The following LVRN variants were observed in gnomAD, a reference collection of about 807,000 sequenced individuals.
LVRN encodes the protein laeverin, also known as aminopeptidase Q.
A neutral mutation model predicts 111.4 loss-of-function variants in LVRN; 99 were observed. That is an observed-to-expected ratio of 0.89 (90% CI 0.76 to 1.05). The LOEUF (loss-of-function observed/expected upper bound fraction) is 1.05, where lower values mean the gene tolerates loss of function less well. Among genes scored for constraint, LVRN ranks in the 50% least tolerant of loss-of-function variants. The pLI, the probability that LVRN is intolerant of heterozygous loss-of-function variation, is 0.00. For synonymous variants in LVRN, 488 were observed against 449.5 expected (o/e 1.09, Z -1.08); for missense variants, 1,414 against 1,206.8 (o/e 1.17, Z -2.54).
In LVRN at chr5:115,970,654, G is replaced by C. The variant is rs559666638; in HGVS notation, c.695+7342G>C. ...CTCACCTTGGCCTCCCAAAGTGCTGGGATTACAGGTGTGAGCCACCGCACC... is the reference window on the plus strand; with the variant it reads ...CTCACCTTGGCCTCCCAAAGTGCTGCGATTACAGGTGTGAGCCACCGCACC... On this transcript the variant is annotated intron_variant, in intron 1 of 19. Coordinates refer to ENST00000357872, the MANE Select transcript of LVRN (RefSeq NM_173800.5). Among the ~76,000 whole-genome samples the C allele has an allele frequency of 1.4e-4, 22 of 152,082 alleles. 1 individual carries two copies. In the East Asian group the frequency reaches 4.3e-3, roughly 29 times the overall value.
intron 4 of LVRN, 119 bp downstream of exon 4, chr5:115,988,058 T>C: frequency 7.3e-7 from 1 of 1,366,142 alleles, no homozygotes; most frequent in Non-Finnish European, 1.0e-6. Flanking sequence ...GCTGCTGGTT[T>C]GGAGTTAGCC....
At chr5:115,974,972 A>G in intron 1 of LVRN, 1 of 412,990 alleles carries the variant, frequency 2.4e-6, no homozygotes, top group Admixed American at 2.9e-5. Flanking sequence ...TTGGGAAATG[A>G]AGATAATCAC....
intron 6 of LVRN, chr5:115,995,566 A>G (rs1243472580): frequency 6.6e-6 from 1 of 152,234 alleles, no homozygotes; most frequent in East Asian, 1.9e-4. Context: ...GCCAAAGGTA[A>G]TTTGCCCAAC....
In LVRN at chr5:116,015,627, G is replaced by C; in HGVS notation, c.2619-1G>C. 2 of 1,601,606 alleles carry C rather than the reference G, an allele frequency of 1.2e-6. No homozygotes were observed. The highest frequency in any genetic ancestry group is 3.3e-4 in the Middle Eastern group (2 of 5,992). On this transcript the variant is annotated splice_acceptor_variant, in intron 17 of 19. Coordinates refer to ENST00000357872, the MANE Select transcript of LVRN (RefSeq NM_173800.5). LOFTEE classifies it high-confidence loss of function. Reference sequence around the variant, plus strand: ...TATTTTTTGAAAATGCACTTTTGCAGATATATGGAGTATGCCATCAGCACA... The same window carrying C: ...TATTTTTTGAAAATGCACTTTTGCACATATATGGAGTATGCCATCAGCACA...
chr5:116,024,334 G>C (rs903065999), intron 19 of LVRN, among the ~76,000 whole-genome samples: 11 of 151,884 alleles, frequency 7.2e-5, no homozygotes, highest in African/African-American at 2.7e-4. Context: ...CTCTCCCTAG[G>C]CAAATAAACA....
At chr5:115,997,617 C>T (rs1294364534) in intron 6 of LVRN, among the ~76,000 whole-genome samples, 1 of 151,832 alleles carries the variant, frequency 6.6e-6, no homozygotes, top group East Asian at 1.9e-4. Flanking sequence ...CGAGCTATGA[C>T]CACACCAGTG....
At chr5:115,972,886 A>G (rs1292657872) in intron 1 of LVRN, among the ~76,000 whole-genome samples, 1 of 152,006 alleles carries the variant, frequency 6.6e-6, no homozygotes, top group Non-Finnish European at 1.5e-5. Flanking sequence ...TTAATTTGTT[A>G]ATATGGTAAA....
intron 1 of LVRN, among the ~76,000 whole-genome samples, chr5:115,968,362 TC>T (rs1333482698): frequency 6.6e-6 from 1 of 152,198 alleles, no homozygotes; most frequent in Non-Finnish European, 1.5e-5. Flanking sequence ...TGATATTTTT[TC>T]TTCTTGAGCC....
At chr5:116,022,328 TA>T in intron 18 of LVRN, 62 bp from the exon 19 acceptor site, 1 of 1,185,750 alleles carries the variant, frequency 8.4e-7, no homozygotes, top group Non-Finnish European at 1.2e-6. Flanking sequence ...ATCTGCTATA[TA>T]AAATATAGCT....
chr5:116,012,283 C>A, intron 14 of LVRN, 91 bp from the exon 15 acceptor site: 1 of 707,862 alleles, frequency 1.4e-6, no homozygotes, highest in Non-Finnish European at 2.5e-6. Flanking sequence ...ACTTGTCTAT[C>A]AATGTCTTTT....
At chr5:116,017,672 T>C (rs73263189) in intron 18 of LVRN, among the ~76,000 whole-genome samples, 23,002 of 152,238 alleles carry the variant, frequency 0.15, 1,915 homozygotes, top group East Asian at 0.38. Context: ...ACAAGATTTT[T>C]AACCTAAGCT....
intron 1 of LVRN, among the ~76,000 whole-genome samples, chr5:115,980,639 C>T (rs1223706094): frequency 6.6e-6 from 1 of 152,076 alleles, no homozygotes; most frequent in Non-Finnish European, 1.5e-5. Context: ...CTCCGCTCCC[C>T]ACCTTGCAGT....
intron 18 of LVRN, among the ~76,000 whole-genome samples, chr5:116,018,582 G>C (rs1748648795): frequency 6.6e-6 from 1 of 152,064 alleles, no homozygotes; most frequent in Non-Finnish European, 1.5e-5. Context: ...TGAGGCAGGA[G>C]AATCGCTTGA....
chr5:115,971,995 A>G (rs1438785221), intron 1 of LVRN, among the ~76,000 whole-genome samples: 2 of 152,050 alleles, frequency 1.3e-5, no homozygotes, highest in Non-Finnish European at 2.9e-5. Context: ...TTCTTTACTC[A>G]GTTTTGAGCT....
At chr5:116,003,430 T>C (rs748300608) in intron 12 of LVRN, 50 bp downstream of exon 12, 4 of 1,194,366 alleles carry the variant, frequency 3.3e-6, no homozygotes, top group Non-Finnish European at 3.4e-6. Flanking sequence ...TAATGCCTTC[T>C]CTAGTGTTTT....
intron 1 of LVRN, among the ~76,000 whole-genome samples, chr5:115,978,636 C>T (rs1753496309): frequency 6.6e-6 from 1 of 152,166 alleles, no homozygotes; most frequent in Admixed American, 6.5e-5. Flanking sequence ...TGTTAAACCT[C>T]TTTCTCTCCC....
chr5:115,988,952 C>G lies in LVRN; in HGVS notation c.1105+1013C>G, dbSNP rs1005950780. On this transcript the variant is annotated intron_variant, in intron 4 of 19. Coordinates refer to ENST00000357872, the MANE Select transcript of LVRN (RefSeq NM_173800.5). ...AGAAGTCCAGAGTCATCCTTGACAT[C>G]CTGTCCCCTTGAAGCACACCCTCTA... Among the ~76,000 whole-genome samples, 18 of 152,264 alleles carry G rather than the reference C, an allele frequency of 1.2e-4. 1 individual carries two copies. The highest frequency in any genetic ancestry group is 6.5e-4 in the Admixed American group (10 of 15,292).
intron 3 of LVRN, among the ~76,000 whole-genome samples, chr5:115,985,881 A>G (rs1747847526): frequency 1.3e-5 from 2 of 152,226 alleles, no homozygotes; most frequent in Admixed American, 1.3e-4. Context: ...AAGCTGAGAA[A>G]AATCAGGCCC....
Position 115,962,655 on chromosome 5 carries a change from G to A in LVRN, c.38G>A (p.Arg13His), listed in dbSNP as rs780442231. 11 of 1,607,886 alleles carry A rather than the reference G, an allele frequency of 6.8e-6. No individual in the cohort carries two copies. Among genetic ancestry groups the A allele is most frequent in the African/African-American group, 1.3e-5 (1 of 74,806 alleles). ...TCCAGCTCAGGCTTCTATGTGAGCC[G>A]CGCAGTGGCCCTGCTGCTGGCTGGG... is the stretch of plus-strand genomic sequence containing the variant. ...PPSSSGFYVS[R>H]AVALLLAGLV... The change falls in exon 1 of 20, where the codon CGC becomes CAC. Residue 13 changes from arginine to histidine, a missense_variant. Arg to His is a conservative substitution (Grantham distance 29). Coordinates refer to ENST00000357872, the MANE Select transcript of LVRN (RefSeq NM_173800.5).
Sources: allele counts gnomAD v4.1 joint callset (sites outside exome capture counted in the v4.1 genomes callset), GRCh38; gene constraint gnomAD v4.1.1; transcripts MANE v1.5; gene names NCBI Gene and HGNC (gene_info 2026-07-23, HGNC 2026-07-21).